URB1: variants seen among roughly 807,000 people sequenced by gnomAD.
URB1 encodes nucleolar pre-ribosomal-associated protein 1.
In URB1, 197 loss-of-function variants were observed where a neutral mutation model predicts 242.3. The ratio of observed to expected loss-of-function variants is 0.81; its 90% CI spans 0.72 to 0.91. URB1 has a LOEUF of 0.91. Among genes scored for constraint, URB1 ranks in the 40% least tolerant of loss-of-function variants. The pLI is 0.00. For missense variants in URB1, 2,721 were observed against 2,860.5 expected (o/e 0.95, Z 1.11); for synonymous variants, 1,153 against 1,201.8 (o/e 0.96, Z 0.84).
rs901189012 is a variant in URB1, at chr21:32,338,912, G to A, written c.4317-12C>T. ...CCTGGTACCGAAATCTAGGCGGCGA[G>A]AGTCAAAGGGAAAAGAGCTTTGCTA... On this transcript the variant is annotated splice_polypyrimidine_tract_variant and intron_variant, in intron 25 of 38. Transcript: ENST00000382751. 2.7e-5 allele frequency: 41 copies of A among 1,521,736 alleles called. No individual in the cohort carries two copies. In the Admixed American group the frequency reaches 3.8e-4, roughly 14 times the overall value. 94.3% of individuals were successfully genotyped at this position (1,521,736 alleles called of 1,614,324 possible).
chr21:32,328,489 A>T (rs1185016080), intron 30 of URB1, among the ~76,000 whole-genome samples: 1 of 152,226 alleles, frequency 6.6e-6, no homozygotes, highest in East Asian at 1.9e-4. Context: ...GGAAAAAGAA[A>T]TCCAAAAGCT....
At position 32,352,815 on chromosome 21, in the gene URB1, T is replaced by C. The variant is rs762802765; in HGVS notation, c.2508A>G (p.Ala836=). 12 of 1,551,596 alleles carry C rather than the reference T, an allele frequency of 7.7e-6. No individual in the cohort carries two copies. The South Asian group carries it at 9.5e-5, about 12-fold the overall frequency. The part of the protein sequence containing the change: ...DPLALCLLLQ[A]YDKLEPPCLV... ...GGCATGGAGGCTCAAGCTTATCATA[T>C]GCCTGGAGCAGGAGACACAGAGCCA... The change falls in exon 19 of 39, where the codon GCA becomes GCG. Residue 836 remains alanine, a synonymous_variant. Coordinates refer to ENST00000382751, the MANE Select transcript of URB1 (RefSeq NM_014825.3).
intron 32 of URB1, among the ~76,000 whole-genome samples, chr21:32,322,900 T>C (rs1409273603): frequency 6.6e-6 from 1 of 152,172 alleles, no homozygotes; most frequent in African/African-American, 2.4e-5. Flanking sequence ...AGGGTGGGAC[T>C]TGGTCACACA....
chr21:32,377,728 GAGA>G (rs998249189), intron 5 of URB1, among the ~76,000 whole-genome samples: 2 of 152,090 alleles, frequency 1.3e-5, no homozygotes, highest in African/African-American at 2.4e-5. Context: ...TCCTGGGAGG[GAGA>G]AGAAGGGCTG....
chr21:32,375,593 C>A, intron 5 of URB1, 110 bp from the exon 6 acceptor site: 6 of 590,354 alleles, frequency 1.0e-5, no homozygotes, highest in South Asian at 2.9e-5. Flanking sequence ...TTTACTTTTT[C>A]AAGTTTTTTT....
At chr21:32,359,991 G>A (rs954675404) in intron 13 of URB1, 83 bp from the exon 14 acceptor site, 3 of 1,254,680 alleles carry the variant, frequency 2.4e-6, no homozygotes, top group East Asian at 2.6e-5. Context: ...GAAGGACAAG[G>A]AACTCACCAT....
At chr21:32,385,831 A>T in intron 1 of URB1, 147 bp from the exon 2 acceptor site, 1 of 1,180,080 alleles carries the variant, frequency 8.5e-7, no homozygotes, top group Non-Finnish European at 1.1e-6. Context: ...TATCAACTTA[A>T]CTGTTTCTCT....
At position 32,346,976 on chromosome 21, in the gene URB1, T is replaced by C. The variant is rs1412531768; in HGVS notation, c.3848A>G (p.His1283Arg). The C allele has an allele frequency of 6.6e-7, 1 of 1,516,446 alleles. No individual in the cohort carries two copies. Among genetic ancestry groups the C allele is most frequent in the Admixed American group, 2.0e-5 (1 of 48,840 alleles). The allele number at this position is 1,516,446 out of a possible 1,614,324, so 93.9% of individuals were successfully genotyped here. A position where few individuals can be genotyped will look rare whatever the true frequency, so the allele number is the denominator to read the frequency against. Residue 1283 changes from histidine (H) to arginine (R), a missense_variant, in exon 22 of 39, where the codon CAC becomes CGC. Transcript: ENST00000382751. ...CTTACCTCCTGCTGGGCGTGTGAAG[T>C]GGCTCCGTGTCCTGCACTGGAGGTA... ...HVYLQCRTRS[H>R]FTRPAGVSSA...
intron 12 of URB1, among the ~76,000 whole-genome samples, chr21:32,361,570 C>A (rs1358157678): frequency 2.7e-5 from 4 of 147,794 alleles, no homozygotes; most frequent in Non-Finnish European, 6.2e-5. Flanking sequence ...GCTCTGAGCT[C>A]TATCTGCAAA....
intron 4 of URB1, among the ~76,000 whole-genome samples, chr21:32,382,226 C>T (rs1174723286): frequency 6.6e-6 from 1 of 152,188 alleles, no homozygotes; most frequent in East Asian, 1.9e-4. Flanking sequence ...TATTGCCAGG[C>T]TTACTGCCAG....
At chr21:32,346,808 T>G in intron 22 of URB1, 148 bp downstream of exon 22, 1 of 1,192,890 alleles carries the variant, frequency 8.4e-7, no homozygotes, top group African/African-American at 1.5e-5. Flanking sequence ...TACTCCACCT[T>G]TCTCCATCTT....
intron 1 of URB1, among the ~76,000 whole-genome samples, chr21:32,390,469 GT>G (rs796461520): frequency 0.18 from 26,882 of 147,516 alleles, 3,544 homozygotes; most frequent in African/African-American, 0.39. Context: ...TTTTGATGGG[GT>G]TTTTTTTTTT....
chr21:32,359,801 C>G lies in URB1; in HGVS notation c.1864G>C (p.Ala622Pro), dbSNP rs943060738. 16 of 1,545,200 alleles carry G rather than the reference C, an allele frequency of 1.0e-5. No homozygotes were observed. The highest frequency in any genetic ancestry group is 1.3e-5 in the Non-Finnish European group (15 of 1,144,898). ...CTGGGAGTTCTGCTTCCTACCTGTG[C>G]CTTTAACCACAGAAACTTGCTGGCC... The part of the protein sequence containing the change: ...LPASKFLWLK[A>P]QEGPDAEIIG... Residue 622 changes from alanine to proline, a missense_variant, in exon 14 of 39, where the codon GCA becomes CCA. By Grantham distance (27) the Ala-to-Pro change is conservative. Coordinates refer to ENST00000382751, the MANE Select transcript of URB1 (RefSeq NM_014825.3).
intron 34 of URB1, 134 bp downstream of exon 34, chr21:32,321,667 C>T: frequency 1.5e-6 from 2 of 1,339,748 alleles, no homozygotes; most frequent in Non-Finnish European, 2.0e-6. Flanking sequence ...TCTCACTTCC[C>T]CTAACTGAGA....
intron 7 of URB1, among the ~76,000 whole-genome samples, chr21:32,372,917 T>C (rs2033421779): frequency 6.6e-6 from 1 of 152,226 alleles, no homozygotes; most frequent in Non-Finnish European, 1.5e-5. Flanking sequence ...GGGAGTGTTT[T>C]TATGCAGCCT....
intron 35 of URB1, among the ~76,000 whole-genome samples, chr21:32,320,147 G>A (rs929036433): frequency 6.6e-6 from 1 of 152,222 alleles, no homozygotes; most frequent in Non-Finnish European, 1.5e-5. Context: ...CCTGCAAGAG[G>A]GCTGCAGCTG....
At chr21:32,361,187 G>GAAAGAAAGA in intron 12 of URB1, 64 bp from the exon 13 acceptor site, 3 of 843,212 alleles carry the variant, frequency 3.6e-6, no homozygotes, top group East Asian at 5.7e-5. Context: ...AAGAAAGAAA[G>GAAAGAAAGA]AAAGAAAGAA....
Position 32,354,072 on chromosome 21 carries a change from C to G in URB1, c.2277G>C (p.Glu759Asp), listed in dbSNP as rs1159792280. The stretch of plus-strand genomic sequence containing the variant: ...TTTCCTCATCCAAGCCTTCACTGCC[C>G]TCCACCAGGACATCCACCATGTCGA... ...DVLDMVDVLV[E>D]GSEGLDEEIG... Residue 759 changes from glutamate to aspartate, a missense_variant, in exon 18 of 39, where the codon GAG (glutamate) becomes GAC (aspartate). Coordinates refer to ENST00000382751, the MANE Select transcript of URB1 (RefSeq NM_014825.3). 1.3e-6 allele frequency: 2 copies of G among 1,551,716 alleles called. No homozygotes were observed. Among genetic ancestry groups the G allele is most frequent in the African/African-American group, 1.4e-5 (1 of 73,162 alleles).
In URB1 at chr21:32,316,480, T is replaced by C. The variant is rs1403864228; in HGVS notation, c.6620A>G (p.Asp2207Gly). 2.6e-6 allele frequency: 4 copies of C among 1,526,662 alleles called. No homozygotes were observed. Among genetic ancestry groups the C allele is most frequent in the Non-Finnish European group, 3.5e-6 (4 of 1,136,070 alleles). 94.6% of individuals were successfully genotyped at this position (1,526,662 alleles called of 1,614,324 possible). Residue 2207 changes from aspartate to glycine, a missense_variant, in exon 38 of 39, where the codon GAT becomes GGT. Physicochemically the swap from Asp to Gly is moderately conservative, Grantham distance 94 (BLOSUM62 -1). Transcript: ENST00000382751. ...ACCAGCCTTACCTTGTGTGGCTTCA[T>C]CCTTCTCACTCAGAGAAGACAGGGA... is the stretch of plus-strand genomic sequence containing the variant. The part of the protein sequence containing the change: ...ALSLSSLSEK[D>G]EATQASAAFL...
Sources: allele counts gnomAD v4.1 joint callset (sites outside exome capture counted in the v4.1 genomes callset), GRCh38; gene constraint gnomAD v4.1.1; transcripts MANE v1.5; gene names NCBI Gene and HGNC (gene_info 2026-07-23, HGNC 2026-07-21).